TMEM187: variants seen among roughly 807,000 people sequenced by gnomAD.
TMEM187 encodes chromosome X open reading frame 12.
TMEM187 carries 14 observed loss-of-function variants against 11.8 expected under a neutral mutation model. The observed-to-expected ratio is 1.18, with a 90% CI of 0.78 to 1.85. The LOEUF (loss-of-function observed/expected upper bound fraction) is 1.85. Ranked by LOEUF, TMEM187 falls within the 40% of genes most tolerant of loss-of-function variation. The probability of loss-of-function intolerance (pLI) is 0.00; values close to 1 mark genes in which losing one functional copy is unlikely to be tolerated. For synonymous variants in TMEM187, 112 were observed against 118.5 expected (o/e 0.95, Z 0.36); for missense variants, 227 against 243.9 (o/e 0.93, Z 0.46).
At chrX:153,976,329 G>A (rs5987188) in intron 1 of TMEM187, among the ~76,000 whole-genome samples, 4,306 of 111,513 alleles carry the variant, frequency 0.039, 176 homozygotes, top group African/African-American at 0.12. Context: ...TCAGGAGTTC[G>A]AGACCAGCCT....
intron 1 of TMEM187, among the ~76,000 whole-genome samples, chrX:153,976,256 C>T (rs1037885494): frequency 8.9e-5 from 10 of 112,217 alleles, no homozygotes; most frequent in Non-Finnish European, 1.3e-4. Context: ...TGTTGGCGGG[C>T]GCGGTGTTTC....
At chrX:153,980,320 C>G (rs1172531579) in intron 1 of TMEM187, among the ~76,000 whole-genome samples, 3 of 111,785 alleles carry the variant, frequency 2.7e-5, no homozygotes, top group African/African-American at 9.8e-5. Flanking sequence ...GATTGTGCCA[C>G]TGCACCCCAG....
chrX:153,973,083 C>T (rs781946692), intron 1 of TMEM187, among the ~76,000 whole-genome samples: 2 of 112,378 alleles, frequency 1.8e-5, no homozygotes, highest in African/African-American at 3.2e-5. Context: ...TTGTTGTAAA[C>T]GTCTAGAAGT....
In TMEM187 at chrX:153,982,580, C is replaced by T; in HGVS notation, c.518C>T (p.Ala173Val). The T allele has an allele frequency of 8.3e-7, 1 of 1,210,731 alleles. No homozygotes were observed. The highest frequency in any genetic ancestry group is 1.1e-6 in the Non-Finnish European group (1 of 895,532). The change falls in exon 2 of 2, where the codon GCC becomes GTC. Residue 173 changes from alanine to valine, a missense_variant. Physicochemically the swap from Ala to Val is moderately conservative, Grantham distance 64. Coordinates refer to ENST00000369982, the MANE Select transcript of TMEM187 (RefSeq NM_003492.3). ...FEVALGAHVV[A>V]AVGQALRTHR... ...GTCGCACTGGGTGCTCACGTGGTGG[C>T]CGCTGTGGGGCAGGCGCTGCGCACC...
intron 1 of TMEM187, among the ~76,000 whole-genome samples, chrX:153,977,669 G>C (rs1417419583): frequency 3.3e-4 from 31 of 94,077 alleles, no homozygotes; most frequent in African/African-American, 1.3e-3. Context: ...CCAGCACTTT[G>C]GGAGGCCGAG....
chrX:153,978,000 G>C (rs1484158189), intron 1 of TMEM187, among the ~76,000 whole-genome samples: 1 of 108,837 alleles, frequency 9.2e-6, no homozygotes, highest in African/African-American at 3.4e-5. Context: ...GGTAGATCAC[G>C]AGGTCAGGAG....
At chrX:153,975,793 C>T (rs1426600040) in intron 1 of TMEM187, among the ~76,000 whole-genome samples, 4 of 105,865 alleles carry the variant, frequency 3.8e-5, no homozygotes, top group African/African-American at 6.9e-5. Flanking sequence ...TACAGATGTG[C>T]GCCACCACGC....
chrX:153,980,522 C>G (rs949445352), intron 1 of TMEM187: 2 of 112,132 alleles, frequency 1.8e-5, no homozygotes, highest in Non-Finnish European at 3.8e-5. Flanking sequence ...CCAAGTCAAA[C>G]TGCTAGAGTT....
At chrX:153,973,119 A>C (rs192271686) in intron 1 of TMEM187, among the ~76,000 whole-genome samples, 76 of 112,562 alleles carry the variant, frequency 6.8e-4, no homozygotes, top group Non-Finnish European at 1.2e-3. Context: ...GATCTACCAG[A>C]TCTACCGGCG....
intron 1 of TMEM187, among the ~76,000 whole-genome samples, chrX:153,976,568 T>G (rs1403962628): frequency 9.3e-6 from 1 of 107,441 alleles, no homozygotes; most frequent in Admixed American, 9.9e-5. Flanking sequence ...ATAAAAAAAA[T>G]AAAAAACTAT....
intron 1 of TMEM187, among the ~76,000 whole-genome samples, chrX:153,975,150 G>A (rs1345769659): frequency 1.8e-5 from 2 of 111,052 alleles, no homozygotes; most frequent in East Asian, 5.6e-4. Flanking sequence ...CTCCTATATT[G>A]TCTCTTCATT....
rs782049197 is a variant in TMEM187, at chrX:153,980,850, C to T, written c.-213-1000C>T. ...AGGAGAATCACCTGAACCTGGGAGGCGGAGGTTGCAGTGAGCCAAGATTGT... is the reference window on the plus strand; with the variant it reads ...AGGAGAATCACCTGAACCTGGGAGGTGGAGGTTGCAGTGAGCCAAGATTGT... On this transcript the variant is annotated intron_variant, in intron 1 of 1. Coordinates refer to ENST00000369982, the MANE Select transcript of TMEM187 (RefSeq NM_003492.3). Among the ~76,000 whole-genome samples the T allele has an allele frequency of 6.6e-5, 7 of 105,338 alleles. No homozygotes were observed. The East Asian group carries it at 1.2e-3, about 18-fold the overall frequency. 91.5% of individuals were successfully genotyped at this position (105,338 alleles called of 115,157 possible). A position where few individuals can be genotyped will look rare whatever the true frequency, so the allele number is the denominator to read the frequency against.
rs1046781419 is a variant in TMEM187 at position 153,981,886 on chromosome X, A to G, written c.-177A>G. ...AACGTTCCTCCGCTGGCGCCAGCCA[A>G]TCAGCAGGACTCCTGCCTTCCTTCG... On this transcript the variant is annotated 5_prime_UTR_variant, in exon 2 of 2. Transcript: ENST00000369982. 1.2e-5 allele frequency: 10 copies of G among 831,304 alleles called. No individual in the cohort carries two copies. The highest frequency in any genetic ancestry group is 3.0e-5 in the Admixed American group (1 of 33,649). The allele number at this position is 831,304 out of a possible 1,213,427, so 68.5% of individuals were successfully genotyped here.
At chrX:153,977,406 G>A (rs2065580697) in intron 1 of TMEM187, among the ~76,000 whole-genome samples, 1 of 110,474 alleles carries the variant, frequency 9.1e-6, no homozygotes, top group African/African-American at 3.3e-5. Flanking sequence ...GTTGAGGTCA[G>A]GAGTTCAATA....
chrX:153,982,186 G>C lies in TMEM187; in HGVS notation c.124G>C (p.Glu42Gln), dbSNP rs141790051. The change falls in exon 2 of 2, where the codon GAG becomes CAG. Residue 42 changes from glutamate to glutamine, a missense_variant. Physicochemically the swap from Glu to Gln is conservative, Grantham distance 29 (BLOSUM62 2). Coordinates refer to ENST00000369982, the MANE Select transcript of TMEM187 (RefSeq NM_003492.3). ...SVQVGYEHYA[E>Q]APVAGLPAFL... ...GCAAGTGGGCTATGAGCACTACGCCGAGGCGCCCGTGGCCGGCCTCCCTGC... is the reference window on the plus strand; with the variant it reads ...GCAAGTGGGCTATGAGCACTACGCCCAGGCGCCCGTGGCCGGCCTCCCTGC... 4 of 1,212,465 alleles carry C rather than the reference G, an allele frequency of 3.3e-6. No homozygotes were observed. In the South Asian group the frequency reaches 7.0e-5, roughly 21 times the overall value.
chrX:153,974,549 A>G (rs1557121182), intron 1 of TMEM187, among the ~76,000 whole-genome samples: 1 of 112,572 alleles, frequency 8.9e-6, no homozygotes, highest in African/African-American at 3.2e-5. Context: ...TTGGGACATG[A>G]TCCAGGACAT....
chrX:153,978,189 C>T (rs1022388167), intron 1 of TMEM187, among the ~76,000 whole-genome samples: 4 of 109,149 alleles, frequency 3.7e-5, no homozygotes, highest in East Asian at 2.9e-4. Flanking sequence ...CCAGCCTGGG[C>T]GACAGAGCAA....
chrX:153,983,071 G>C lies in TMEM187; in HGVS notation c.*223G>C. On this transcript the variant is annotated 3_prime_UTR_variant, in exon 2 of 2. Transcript: ENST00000369982. ...ATAAAGCACAGATCTCCGCACAGGG[G>C]ATGTGTGTGTTCCTGATGTAATTTG... The C allele has an allele frequency of 1.6e-6, 1 of 623,700 alleles. No individual in the cohort carries two copies. Among genetic ancestry groups the C allele is most frequent in the Non-Finnish European group, 2.5e-6 (1 of 404,247 alleles). The allele number at this position is 623,700 out of a possible 1,213,427, so 51.4% of individuals were successfully genotyped here.
rs782524051 is a variant in TMEM187 at position 153,982,595 on chromosome X, C to T, written c.533C>T (p.Ala178Val). 36 of 1,210,150 alleles carry T rather than the reference C, an allele frequency of 3.0e-5. No individual in the cohort carries two copies. The South Asian group carries it at 3.9e-4, about 13-fold the overall frequency. ...GAHVVAAVGQALRTHRHYGST... is the reference protein window; with the variant it reads ...GAHVVAAVGQVLRTHRHYGST... The stretch of plus-strand genomic sequence containing the variant: ...CACGTGGTGGCCGCTGTGGGGCAGG[C>T]GCTGCGCACCCACAGGCACTATGGC... Residue 178 changes from alanine to valine, a missense_variant, in exon 2 of 2, where the codon GCG becomes GTG. Coordinates refer to ENST00000369982, the MANE Select transcript of TMEM187 (RefSeq NM_003492.3).
Sources: allele counts gnomAD v4.1 joint callset (sites outside exome capture counted in the v4.1 genomes callset), GRCh38; gene constraint gnomAD v4.1.1; transcripts MANE v1.5; gene names NCBI Gene and HGNC (gene_info 2026-07-23, HGNC 2026-07-21).